The following GALNS variants were observed in gnomAD, a reference collection of about 807,000 sequenced individuals.
The protein encoded by GALNS is N-acetylgalactosamine-6-sulfatase.
In GALNS, 65 loss-of-function variants were observed where a neutral mutation model predicts 65.9. The observed-to-expected ratio is 0.99, with a 90% CI of 0.81 to 1.21. GALNS has a LOEUF of 1.21. Ranked by LOEUF, GALNS falls within the 50% of genes most tolerant of loss-of-function variation. The pLI, the probability that GALNS is intolerant of heterozygous loss-of-function variation, is 0.00. For missense variants in GALNS, 776 were observed against 700.7 expected (o/e 1.11, Z -1.21); for synonymous variants, 346 against 288.9 (o/e 1.20, Z -2.00).
intron 1 of GALNS, among the ~76,000 whole-genome samples, chr16:88,853,124 G>A (rs1047492859): frequency 1.3e-5 from 2 of 151,902 alleles, no homozygotes; most frequent in East Asian, 1.9e-4. Context: ...GGTGGTGGGA[G>A]CCTGTAGTCC....
At chr16:88,856,322 G>C (rs1361817908) in intron 1 of GALNS, 6 of 702,696 alleles carry the variant, frequency 8.5e-6, no homozygotes, top group Non-Finnish European at 1.6e-5. Flanking sequence ...GCAGCTCTCA[G>C]GCAGGGCGGC....
At chr16:88,842,148 G>A (rs1396033662) in intron 2 of GALNS, 177 bp from the exon 3 acceptor site, 8 of 699,544 alleles carry the variant, frequency 1.1e-5, no homozygotes, top group Admixed American at 8.1e-5. Flanking sequence ...GGTGGGGCAC[G>A]GCACCCATTC....
rs2142999191 is a variant in GALNS at position 88,832,075 on chromosome 16, C to T, written c.925G>A (p.Gly309Arg). ...CCTCCTTCAAACGTGGTCTGCTTCC[C>T]ACACAGAAAGGGGCCGTTGCTGCCA... ...QGGSNGPFLC[G>R]KQTTFEGGMR... is the part of the protein sequence containing the mutation. The change falls in exon 9 of 14, where the codon GGG (glycine) becomes AGG (arginine). Residue 309 changes from glycine (G) to arginine (R), a missense_variant. Coordinates refer to ENST00000268695, the MANE Select transcript of GALNS (RefSeq NM_000512.5). The T allele has an allele frequency of 4.3e-6, 7 of 1,613,900 alleles. No individual in the cohort carries two copies. Among genetic ancestry groups the T allele is most frequent in the Non-Finnish European group, 5.9e-6 (7 of 1,179,928 alleles).
Position 88,817,420 on chromosome 16 carries a change from A to G in GALNS, c.1482+587T>C, listed in dbSNP as rs942242179. 6.1e-6 allele frequency: 6 copies of G among 984,508 alleles called. No individual in the cohort carries two copies. In the East Asian group the frequency reaches 3.4e-4, roughly 56 times the overall value. The allele number at this position is 984,508 out of a possible 1,614,324, so 61.0% of individuals were successfully genotyped here. On this transcript the variant is annotated intron_variant, in intron 13 of 13. Coordinates refer to ENST00000268695, the MANE Select transcript of GALNS (RefSeq NM_000512.5). ...GAGGTGCTGCTCTGGGTGGGTGCCT[A>G]TGAGTGAGATCAGGTCTGATGCGAA...
chr16:88,822,271 C>T (rs912944342), intron 12 of GALNS, among the ~76,000 whole-genome samples: 1 of 152,198 alleles, frequency 6.6e-6, no homozygotes, highest in Non-Finnish European at 1.5e-5. Context: ...GTACCTCCTA[C>T]TTGCCCCAGG....
chr16:88,817,486 G>A lies in GALNS; in HGVS notation c.1482+521C>T, dbSNP rs1286684539. On this transcript the variant is annotated intron_variant, in intron 13 of 13. Transcript: ENST00000268695. ...CCCAGCATGAAGGAGGCACAAATGA[G>A]AACCTCGCAGGTGGGCCCTGGGGCC... The A allele has an allele frequency of 5.1e-6, 5 of 985,314 alleles. No homozygotes were observed. The African/African-American group carries it at 8.7e-5, about 17-fold the overall frequency. 61.0% of individuals were successfully genotyped at this position (985,314 alleles called of 1,614,324 possible).
chr16:88,814,492 TC>T lies in GALNS; in HGVS notation c.1515del (p.Lys506SerfsTer3). 6.4e-7 allele frequency: 1 copy of T among 1,562,048 alleles called. No individual in the cohort carries two copies. Among genetic ancestry groups the T allele is most frequent in the Admixed American group, 1.9e-5 (1 of 52,244 alleles). On this transcript the variant is annotated frameshift_variant, in exon 14 of 14. Coordinates refer to ENST00000268695, the MANE Select transcript of GALNS (RefSeq NM_000512.5). LOFTEE classifies it high-confidence loss of function. ...NWAPPGCEKLGKCLTPPESIP... is the reference protein window; with the variant it reads ...NWAPPGCEKLXKCLTPPESIP... ...ATGGATTCTGGAGGTGTCAGACACTTCCCTAACTTTTCACAGCCCGGAGGTG... is the reference window on the plus strand; with the variant it reads ...ATGGATTCTGGAGGTGTCAGACACTTCCTAACTTTTCACAGCCCGGAGGTG...
At chr16:88,819,210 A>T (rs1209721417) in intron 12 of GALNS, among the ~76,000 whole-genome samples, 1 of 103,298 alleles carries the variant, frequency 9.7e-6, no homozygotes, top group African/African-American at 3.4e-5. Context: ...CACCTGCCCC[A>T]GCCTCTTTCT....
intron 8 of GALNS, among the ~76,000 whole-genome samples, chr16:88,833,892 C>T (rs28498553): frequency 0.027 from 4,067 of 152,326 alleles, 176 homozygotes; most frequent in African/African-American, 0.093. Flanking sequence ...TGAAACATTC[C>T]ATCATTTAGA....
At position 88,818,113 on chromosome 16, in the gene GALNS, G is replaced by A. The variant is rs114703967; in HGVS notation, c.1376C>T (p.Ala459Val). ...CCTGCTGAGGGCCTCCTGGTACTCGGCGCTGGCAAAGCTGGGGACAGAGAG... is the reference window on the plus strand; with the variant it reads ...CCTGCTGAGGGCCTCCTGGTACTCGACGCTGGCAAAGCTGGGGACAGAGAG... Reference protein sequence around the residue: ...GERFPLSFASAEYQEALSRIT... With the variant: ...GERFPLSFASVEYQEALSRIT... Residue 459 changes from alanine to valine, a missense_variant, in exon 13 of 14, where the codon GCC (alanine) becomes GTC (valine). By Grantham distance (64) the Ala-to-Val change is moderately conservative. Transcript: ENST00000268695. The A allele has an allele frequency of 6.3e-3, 9,948 of 1,573,198 alleles. 542 individuals are homozygous for A. In the African/African-American group the frequency reaches 0.12, roughly 18 times the overall value.
At chr16:88,833,096 AAAAAG>A (rs1911688429) in intron 8 of GALNS, among the ~76,000 whole-genome samples, 1 of 151,832 alleles carries the variant, frequency 6.6e-6, no homozygotes, top group African/African-American at 2.4e-5. Context: ...AAAAAAAAAA[AAAAAG>A]AAAATATTTT....
At chr16:88,846,036 G>A (rs1434316540) in intron 1 of GALNS, among the ~76,000 whole-genome samples, 1 of 152,130 alleles carries the variant, frequency 6.6e-6, no homozygotes, top group African/African-American at 2.4e-5. Flanking sequence ...CCACTTGTAG[G>A]AGTTTATCCT....
At chr16:88,814,587 C>T in intron 13 of GALNS, 62 bp from the exon 14 acceptor site, 1 of 1,547,846 alleles carries the variant, frequency 6.5e-7, no homozygotes, top group South Asian at 1.2e-5. Context: ...GACCCAGCAG[C>T]AGCGGGCATT....
intron 9 of GALNS, 34 bp downstream of exon 9, chr16:88,831,964 C>G: frequency 1.3e-6 from 2 of 1,591,026 alleles, no homozygotes; most frequent in East Asian, 2.2e-5. Flanking sequence ...AGGCCTGGAC[C>G]TGCTGCCCGG....
At chr16:88,855,814 C>G (rs933572265) in intron 1 of GALNS, 7 of 510,776 alleles carry the variant, frequency 1.4e-5, no homozygotes, top group South Asian at 2.3e-5. Flanking sequence ...ACAGGTGGGT[C>G]TGAAGGCACC....
intron 1 of GALNS, among the ~76,000 whole-genome samples, chr16:88,848,179 T>C (rs1967338486): frequency 6.6e-6 from 1 of 152,074 alleles, no homozygotes; most frequent in Non-Finnish European, 1.5e-5. Context: ...GCCAGGGGCT[T>C]CGGGGAGCAC....
At chr16:88,830,407 G>T (rs973661018) in intron 9 of GALNS, among the ~76,000 whole-genome samples, 1 of 152,080 alleles carries the variant, frequency 6.6e-6, no homozygotes, top group Non-Finnish European at 1.5e-5. Flanking sequence ...CTGGCCCCAC[G>T]CACGTCTTCA....
intron 1 of GALNS, among the ~76,000 whole-genome samples, chr16:88,851,609 G>C (rs1355108629): frequency 6.6e-6 from 1 of 152,214 alleles, no homozygotes; most frequent in Non-Finnish European, 1.5e-5. Flanking sequence ...TCCTAGCCAA[G>C]GGAAGCCGTG....
In GALNS at chr16:88,841,000, G is replaced by C. The variant is rs774910085; in HGVS notation, c.414C>G (p.Val138=). Residue 138 remains valine (V), a synonymous_variant, in exon 4 of 14, where the codon GTC becomes GTG. Transcript: ENST00000268695. ...LKKAGYVSKI[V]GKWHLGHRPQ... ...GTGGCCAGGAGACTTACCACTTGCC[G>C]ACAATCTTGCTGACGTAGCCGGCCT... The C allele has an allele frequency of 3.7e-6, 6 of 1,612,918 alleles. No homozygotes were observed. The highest frequency in any genetic ancestry group is 5.1e-6 in the Non-Finnish European group (6 of 1,179,672).
Sources: gnomAD v4.1 joint callset for allele counts (sites outside exome capture counted in the v4.1 genomes callset) on GRCh38, gnomAD v4.1.1 for gene constraint, MANE v1.5 for transcripts, NCBI Gene and HGNC (gene_info 2026-07-23, HGNC 2026-07-21) for gene names.